KSR2: variants seen among roughly 807,000 people sequenced by gnomAD.
The protein encoded by KSR2 is kinase suppressor of ras 2.
In KSR2, 25 loss-of-function variants were observed where a neutral mutation model predicts 107.8. The observed-to-expected ratio is 0.23, with a 90% confidence interval of 0.17 to 0.32. KSR2 has a LOEUF of 0.32. Among genes scored for constraint, KSR2 ranks in the 10% least tolerant of loss-of-function variants. KSR2 has a pLI of 1.00. For synonymous variants in KSR2, 480 were observed against 507.0 expected, an observed-to-expected ratio of 0.95 and a Z score of 0.71; for missense variants, 887 against 1,268.9, an observed-to-expected ratio of 0.70 and a Z score of 4.57.
At chr12:117,827,034 CAA>C (rs58583797) in intron 3 of KSR2, among the ~76,000 whole-genome samples, 16 of 103,530 alleles carry the variant, frequency 1.5e-4, no homozygotes, top group Middle Eastern at 5.1e-3. Flanking sequence ...GACCCTGTCT[CAA>C]AAAAAAAAAA....
At chr12:117,742,579 G>A (rs906880216) in intron 4 of KSR2, among the ~76,000 whole-genome samples, 6 of 130,912 alleles carry the variant, frequency 4.6e-5, no homozygotes, top group African/African-American at 1.6e-4. Context: ...TGAACAGACA[G>A]ATAAAAGGGT....
At chr12:117,710,793 G>T (rs1886741091) in intron 4 of KSR2, among the ~76,000 whole-genome samples, 1 of 152,006 alleles carries the variant, frequency 6.6e-6, no homozygotes, top group African/African-American at 2.4e-5. Flanking sequence ...TGCATGCTCT[G>T]CCCCCTTCAT....
intron 3 of KSR2, among the ~76,000 whole-genome samples, chr12:117,762,145 A>C (rs1338957088): frequency 6.6e-6 from 1 of 152,232 alleles, no homozygotes; most frequent in African/African-American, 2.4e-5. Flanking sequence ...AAAGCAAAGA[A>C]GTTAATTCTC....
intron 14 of KSR2, among the ~76,000 whole-genome samples, chr12:117,512,838 C>T (rs1592942825): frequency 1.3e-5 from 2 of 152,262 alleles, no homozygotes; most frequent in East Asian, 3.9e-4. Flanking sequence ...TCCCACCTTT[C>T]CCTCCTCTAT....
chr12:117,476,881 G>T (rs1196368159), intron 16 of KSR2, among the ~76,000 whole-genome samples: 1 of 152,166 alleles, frequency 6.6e-6, no homozygotes, highest in African/African-American at 2.4e-5. Context: ...GTTATTCACG[G>T]CAGTTACGTT....
chr12:117,454,525 C>A lies in KSR2; in HGVS notation c.*12674G>T, dbSNP rs1470491183. On this transcript the variant is annotated 3_prime_UTR_variant, in exon 20 of 20. Transcript: ENST00000339824. ...ACTCCATCAACAGGACTGATACATT[C>A]TTTCCCACACTTCAGGCTGTATTGC... is the stretch of plus-strand genomic sequence containing the variant. 6.6e-6 allele frequency: 1 copy of A among 152,268 alleles called. No homozygotes were observed. Among genetic ancestry groups the A allele is most frequent in the Non-Finnish European group, 1.5e-5 (1 of 68,042 alleles). The allele number at this position is 152,268 out of a possible 1,614,324, so 9.4% of individuals were successfully genotyped here.
intron 5 of KSR2, among the ~76,000 whole-genome samples, chr12:117,656,938 T>G (rs1884181376): frequency 2.1e-5 from 1 of 46,802 alleles, no homozygotes; most frequent in Admixed American, 2.5e-4. Context: ...ATATATATAA[T>G]AGGATATATA....
intron 3 of KSR2, among the ~76,000 whole-genome samples, chr12:117,793,408 CAT>C (rs1378742477): frequency 1.3e-5 from 2 of 150,216 alleles, no homozygotes; most frequent in African/African-American, 2.4e-5. Context: ...AACATGCACA[CAT>C]ACACACCAAA....
At chr12:117,582,621 A>C (rs1163593313) in intron 5 of KSR2, among the ~76,000 whole-genome samples, 1 of 152,210 alleles carries the variant, frequency 6.6e-6, no homozygotes, top group South Asian at 2.1e-4. Context: ...CCATTTACGG[A>C]GTGCTTGGTG....
chr12:117,906,040 A>G (rs1253254977), intron 1 of KSR2, among the ~76,000 whole-genome samples: 1 of 144,622 alleles, frequency 6.9e-6, no homozygotes, highest in African/African-American at 2.6e-5. Context: ...AGATACAGGG[A>G]TGAGAAACAC....
In KSR2 at chr12:117,525,160, C is replaced by T. The variant is rs1408261521; in HGVS notation, c.1911G>A (p.Leu637=). The T allele has an allele frequency of 1.2e-6, 2 of 1,613,882 alleles. No individual in the cohort carries two copies. The highest frequency in any genetic ancestry group is 1.7e-5 in the Admixed American group (1 of 60,016). The change falls in exon 14 of 20, where the codon CTG becomes CTA. Residue 637 remains leucine, a synonymous_variant. Transcript: ENST00000339824. The part of the protein sequence containing the change: ...ESEDDFEEMN[L]SLLSARSFPR... ...GGAAGCTCCGGGCCGAGAGGAGGGA[C>T]AGGTTCATCTCCTCGAAGTCATCCT...
At chr12:117,540,186 A>G (rs961653183) in intron 9 of KSR2, among the ~76,000 whole-genome samples, 8 of 152,036 alleles carry the variant, frequency 5.3e-5, no homozygotes, top group African/African-American at 1.9e-4. Flanking sequence ...TGCCTCTTTG[A>G]TTCTGAAAAA....
chr12:117,765,888 A>G (rs1889208065), intron 3 of KSR2, among the ~76,000 whole-genome samples: 2 of 152,246 alleles, frequency 1.3e-5, no homozygotes, highest in African/African-American at 2.4e-5. Flanking sequence ...CAATGCCAAC[A>G]AATGGCAGAT....
At chr12:117,562,064 G>A (rs777747866) in intron 7 of KSR2, among the ~76,000 whole-genome samples, 1 of 152,104 alleles carries the variant, frequency 6.6e-6, no homozygotes, top group Admixed American at 6.6e-5. Context: ...CAGGAAAATG[G>A]GTTGGGGGGA....
intron 5 of KSR2, among the ~76,000 whole-genome samples, chr12:117,634,137 T>C (rs1350331420): frequency 6.6e-6 from 1 of 152,072 alleles, no homozygotes; most frequent in African/African-American, 2.4e-5. Flanking sequence ...GGCAGTTCAG[T>C]TTCTATCCAA....
rs943829401 is a variant in KSR2, at chr12:117,454,364, A to G, written c.*12835T>C. On this transcript the variant is annotated 3_prime_UTR_variant, in exon 20 of 20. Transcript: ENST00000339824. ...ACAGTGGCTCAAGAAATGCAAATTG[A>G]GTCAAGTTGAAGCAGATAAACAAGC... 1 of 152,248 alleles carries G rather than the reference A, an allele frequency of 6.6e-6. No individual in the cohort carries two copies. 9.4% of individuals were successfully genotyped at this position (152,248 alleles called of 1,614,324 possible). A position where few individuals can be genotyped will look rare whatever the true frequency, so the allele number is the denominator to read the frequency against.
chr12:117,943,500 CAAAAAAAAAAAAA>C (rs35125662), intron 1 of KSR2, among the ~76,000 whole-genome samples: 5,095 of 53,514 alleles, frequency 0.095, 212 homozygotes, highest in Admixed American at 0.2. Context: ...TCCACCTAGC[CAAAAAAAAAAAAA>C]AAAAAAAAAA....
In KSR2 at chr12:117,679,538, A is replaced by C. The variant is rs1885285051; in HGVS notation, c.987-11880T>G. On this transcript the variant is annotated intron_variant, in intron 4 of 19. Coordinates refer to ENST00000339824, the MANE Select transcript of KSR2 (RefSeq NM_173598.6). ...ACTTGTGTATCACATCCGCACCAGCACAGACCTGGCCATGAGGCAGGAGTC... is the reference window on the plus strand; with the variant it reads ...ACTTGTGTATCACATCCGCACCAGCCCAGACCTGGCCATGAGGCAGGAGTC... Among the ~76,000 whole-genome samples, 4 of 152,226 alleles carry C rather than the reference A, an allele frequency of 2.6e-5. 1 individual carries two copies. Among genetic ancestry groups the C allele is most frequent in the Admixed American group, 2.6e-4 (4 of 15,284 alleles).
chr12:117,861,931 T>C (rs1053322084), intron 1 of KSR2, among the ~76,000 whole-genome samples: 60 of 152,246 alleles, frequency 3.9e-4, no homozygotes, highest in African/African-American at 1.3e-3. Flanking sequence ...AGAAAGGCAA[T>C]ACCTGTGTGT....
Sources: gnomAD v4.1 joint callset for allele counts (sites outside exome capture counted in the v4.1 genomes callset) on GRCh38, gnomAD v4.1.1 for gene constraint, MANE v1.5 for transcripts, NCBI Gene and HGNC (gene_info 2026-07-23, HGNC 2026-07-21) for gene names.